The following SYCP1 variants were observed in gnomAD, a reference collection of about 807,000 sequenced individuals.
SYCP1 encodes cancer/testis antigen 8.
In SYCP1, 64 loss-of-function variants were observed where a neutral mutation model predicts 153.1. The ratio of observed to expected loss-of-function variants is 0.42; its 90% CI spans 0.34 to 0.51. The LOEUF (loss-of-function observed/expected upper bound fraction) is 0.51. Ranked by LOEUF, SYCP1 falls within the 20% of genes least tolerant of loss-of-function variation. The pLI, the probability that SYCP1 is intolerant of heterozygous loss-of-function variation, is 0.06. For synonymous variants in SYCP1, 384 were observed against 341.8 expected (o/e 1.12, Z -1.36); for missense variants, 997 against 1,049.0 (o/e 0.95, Z 0.68).
intron 21 of SYCP1, among the ~76,000 whole-genome samples, chr1:114,923,944 G>A (rs1669083064): frequency 6.6e-6 from 1 of 152,094 alleles, no homozygotes; most frequent in Non-Finnish European, 1.5e-5. Flanking sequence ...CAAGATATGT[G>A]ACATGATTAT....
intron 27 of SYCP1, among the ~76,000 whole-genome samples, chr1:114,955,956 T>C (rs547630698): frequency 9.9e-5 from 15 of 152,204 alleles, no homozygotes; most frequent in Non-Finnish European, 1.8e-4. Context: ...AGTGCCTTGA[T>C]AGAAAGGCTT....
At chr1:114,969,058 T>A (rs936990192) in intron 27 of SYCP1, among the ~76,000 whole-genome samples, 5 of 152,144 alleles carry the variant, frequency 3.3e-5, no homozygotes, top group African/African-American at 9.6e-5. Flanking sequence ...GGAAGCTTCA[T>A]CCCAGAGGGG....
rs751745561 is a variant in SYCP1 at position 114,855,428 on chromosome 1, C to G, written c.-24-13C>G. ...AAAACTTTCCTTCCCCTCCCGCCCC[C>G]CCGGGGCAGTAGATATTTACAACCG... On this transcript the variant is annotated splice_polypyrimidine_tract_variant and intron_variant, in intron 1 of 31. Transcript: ENST00000369522. The G allele has an allele frequency of 1.9e-6, 3 of 1,569,806 alleles. No homozygotes were observed. Among genetic ancestry groups the G allele is most frequent in the Non-Finnish European group, 2.6e-6 (3 of 1,148,436 alleles).
intron 20 of SYCP1, among the ~76,000 whole-genome samples, chr1:114,923,183 T>C (rs1669011504): frequency 6.6e-6 from 1 of 152,228 alleles, no homozygotes; most frequent in Non-Finnish European, 1.5e-5. Context: ...TATGATATAG[T>C]GTTTGATATG....
intron 27 of SYCP1, among the ~76,000 whole-genome samples, chr1:114,964,662 G>A (rs1227487083): frequency 6.6e-6 from 1 of 152,096 alleles, no homozygotes; most frequent in Non-Finnish European, 1.5e-5. Flanking sequence ...TTTTTGTCAT[G>A]TTTGTCAAAG....
intron 27 of SYCP1, among the ~76,000 whole-genome samples, chr1:114,965,113 C>G (rs1672035050): frequency 6.6e-6 from 1 of 152,104 alleles, no homozygotes. Flanking sequence ...GTATTTTATT[C>G]TCTTTGTAGC....
At position 114,858,732 on chromosome 1, in the gene SYCP1, G is replaced by A. The variant is rs748151715; in HGVS notation, c.456+21G>A. On this transcript the variant is annotated intron_variant, in intron 6 of 31. Transcript: ENST00000369522. Reference sequence around the variant, plus strand: ...TGCAAGTATGACACAATTTTGCATTGTAAACATAGTATAGTAAATCTAATC... The same window carrying A: ...TGCAAGTATGACACAATTTTGCATTATAAACATAGTATAGTAAATCTAATC... 5 of 1,583,822 alleles carry A rather than the reference G, an allele frequency of 3.2e-6. No homozygotes were observed. In the South Asian group the frequency reaches 5.7e-5, roughly 18 times the overall value.
intron 16 of SYCP1, among the ~76,000 whole-genome samples, chr1:114,901,355 T>C (rs554153651): frequency 5.3e-5 from 8 of 152,210 alleles, no homozygotes; most frequent in Non-Finnish European, 8.8e-5. Flanking sequence ...TTAATTAAGC[T>C]GAGTACTCCT....
rs535182536 is a variant in SYCP1 at position 114,953,427 on chromosome 1, G to A, written c.2322+6107G>A. Among the ~76,000 whole-genome samples the A allele has an allele frequency of 1.1e-4, 17 of 152,100 alleles. 2 individuals are homozygous for A. Among genetic ancestry groups the A allele is most frequent in the Admixed American group, 7.2e-4 (11 of 15,274 alleles). Reference sequence around the variant, plus strand: ...CAAAGACTTTGGCCTGTGTCTTTTTGTAAAAGCTTTAGAATTTTATTTTTT... The same window carrying A: ...CAAAGACTTTGGCCTGTGTCTTTTTATAAAAGCTTTAGAATTTTATTTTTT... On this transcript the variant is annotated intron_variant, in intron 27 of 31. Transcript: ENST00000369522.
At chr1:114,946,648 TG>T (rs1286802977) in intron 26 of SYCP1, among the ~76,000 whole-genome samples, 3 of 151,906 alleles carry the variant, frequency 2.0e-5, no homozygotes, top group Non-Finnish European at 4.4e-5. Flanking sequence ...GAGAGGAGGG[TG>T]GGATAAACTG....
chr1:114,987,185 A>G (rs1673572084), intron 30 of SYCP1, among the ~76,000 whole-genome samples: 1 of 151,986 alleles, frequency 6.6e-6, no homozygotes, highest in African/African-American at 2.4e-5. Context: ...GCTATAGCAC[A>G]TGTTTAAGCA....
At chr1:114,993,452 G>A (rs181494501) in intron 30 of SYCP1, among the ~76,000 whole-genome samples, 1 of 151,590 alleles carries the variant, frequency 6.6e-6, no homozygotes, top group African/African-American at 2.4e-5. Context: ...CAGATTACCT[G>A]AATTTGAATT....
intron 12 of SYCP1, among the ~76,000 whole-genome samples, chr1:114,881,068 C>T (rs1053872396): frequency 5.3e-5 from 8 of 151,140 alleles, no homozygotes; most frequent in African/African-American, 7.3e-5. Flanking sequence ...CACACACACA[C>T]ACACACACAC....
In SYCP1 at chr1:114,946,398, A is replaced by G; in HGVS notation, c.2247+17A>G. 1.3e-6 allele frequency: 2 copies of G among 1,529,992 alleles called. No individual in the cohort carries two copies. The highest frequency in any genetic ancestry group is 1.2e-5 in the South Asian group (1 of 83,330). The allele number at this position is 1,529,992 out of a possible 1,614,324, so 94.8% of individuals were successfully genotyped here. A position where few individuals can be genotyped will look rare whatever the true frequency, so the allele number is the denominator to read the frequency against. Reference sequence around the variant, plus strand: ...GCATCTTTGGTGAGATACAGAAAAAATTGCAGTAACGGCCAGTTTTCATAA... The same window carrying G: ...GCATCTTTGGTGAGATACAGAAAAAGTTGCAGTAACGGCCAGTTTTCATAA... On this transcript the variant is annotated intron_variant, in intron 26 of 31. Transcript: ENST00000369522.
intron 18 of SYCP1, among the ~76,000 whole-genome samples, chr1:114,912,751 A>T (rs1381502803): frequency 6.6e-6 from 1 of 151,974 alleles, no homozygotes. Context: ...AAATTTGTGG[A>T]AAGTATGAAA....
intron 10 of SYCP1, 46 bp from the exon 11 acceptor site, chr1:114,876,691 T>C: frequency 2.9e-6 from 3 of 1,017,982 alleles, no homozygotes. Context: ...AGAAATGTTA[T>C]AAAATTATGT....
chr1:114,940,178 A>T (rs1219814153), intron 23 of SYCP1, among the ~76,000 whole-genome samples: 1 of 151,872 alleles, frequency 6.6e-6, no homozygotes, highest in Admixed American at 6.6e-5. Flanking sequence ...GCTCACTGCA[A>T]CCTCTACCTC....
chr1:114,957,759 G>C (rs1270818171), intron 27 of SYCP1, among the ~76,000 whole-genome samples: 2 of 152,138 alleles, frequency 1.3e-5, no homozygotes, highest in African/African-American at 4.8e-5. Flanking sequence ...TATTAGGATG[G>C]CTGTTGCTAA....
chr1:114,877,973 G>C (rs1483258146), intron 11 of SYCP1, 121 bp from the exon 12 acceptor site: 1 of 582,874 alleles, frequency 1.7e-6, no homozygotes, highest in African/African-American at 1.9e-5. Context: ...CAGGGTGGGA[G>C]GGTTAAGTGG....
Sources: gnomAD v4.1 joint callset for allele counts (sites outside exome capture counted in the v4.1 genomes callset) on GRCh38, gnomAD v4.1.1 for gene constraint, MANE v1.5 for transcripts, NCBI Gene and HGNC (gene_info 2026-07-23, HGNC 2026-07-21) for gene names.